RNGTT: variants seen among roughly 807,000 people sequenced by gnomAD.
The protein encoded by RNGTT is mRNA-capping enzyme.
A neutral mutation model predicts 79.3 loss-of-function variants in RNGTT; 33 were observed. That is an observed-to-expected ratio of 0.42 (90% CI 0.32 to 0.56). The LOEUF is 0.56. Among genes scored for constraint, RNGTT ranks in the 20% least tolerant of loss-of-function variants. The pLI is 0.17. For synonymous variants in RNGTT, 222 were observed against 235.9 expected (o/e 0.94, Z 0.54); for missense variants, 497 against 739.1 (o/e 0.67, Z 3.80).
At chr6:88,727,890 C>A (rs1482063446) in intron 13 of RNGTT, among the ~76,000 whole-genome samples, 1 of 152,190 alleles carries the variant, frequency 6.6e-6, no homozygotes, top group Non-Finnish European at 1.5e-5. Context: ...AGAGGTACCA[C>A]CCCTAGAATT....
chr6:88,761,323 C>A (rs557689477), intron 13 of RNGTT, among the ~76,000 whole-genome samples: 37 of 152,008 alleles, frequency 2.4e-4, no homozygotes, highest in African/African-American at 8.7e-4. Flanking sequence ...AACCCCACCC[C>A]TATTAAAATT....
chr6:88,709,371 C>T (rs553418530), intron 13 of RNGTT, among the ~76,000 whole-genome samples: 23 of 151,356 alleles, frequency 1.5e-4, no homozygotes, highest in African/African-American at 5.6e-4. Flanking sequence ...TCAAACTGGA[C>T]CGAGGCTGAG....
Position 88,928,996 on chromosome 6 carries a change from G to A in RNGTT, c.356C>T (p.Pro119Leu). Residue 119 changes from proline (P) to leucine (L), a missense_variant, in exon 4 of 16, where the codon CCT becomes CTT. By Grantham distance (98) the Pro-to-Leu change is moderately conservative. This residue lies in a region of RNGTT where 440 missense variants were observed against 671.5 expected (regional missense o/e 0.66). Transcript: ENST00000369485. ...LCERFNERNP[P>L]ELIGVHCTHG... Reference sequence around the variant, plus strand: ...AAAGCCAAACATACCTATAAGTTCAGGTGGATTTCTTTCATTAAACCGCTC... The same window carrying A: ...AAAGCCAAACATACCTATAAGTTCAAGTGGATTTCTTTCATTAAACCGCTC... The A allele has an allele frequency of 6.2e-7, 1 of 1,608,830 alleles. No homozygotes were observed. Among genetic ancestry groups the A allele is most frequent in the Non-Finnish European group, 8.5e-7 (1 of 1,177,310 alleles).
intron 13 of RNGTT, among the ~76,000 whole-genome samples, chr6:88,725,794 A>G (rs969337875): frequency 2.0e-5 from 3 of 151,894 alleles, no homozygotes; most frequent in African/African-American, 7.3e-5. Context: ...GAGTAGCTCC[A>G]CTCCAGCCAG....
chr6:88,919,663 C>T (rs1200800744), intron 4 of RNGTT, among the ~76,000 whole-genome samples: 1 of 145,082 alleles, frequency 6.9e-6, no homozygotes, highest in African/African-American at 2.6e-5. Flanking sequence ...TTTTTTAATG[C>T]TAAAAATCCT....
intron 4 of RNGTT, among the ~76,000 whole-genome samples, chr6:88,908,031 G>A (rs1783712680): frequency 6.6e-6 from 1 of 152,140 alleles, no homozygotes; most frequent in African/African-American, 2.4e-5. Flanking sequence ...ACAATGCCCA[G>A]CCTGTATCTT....
intron 13 of RNGTT, among the ~76,000 whole-genome samples, chr6:88,716,050 T>A (rs944041345): frequency 2.0e-5 from 3 of 151,240 alleles, no homozygotes. Context: ...TGGGAGAAAA[T>A]TTTCGTAACC....
At chr6:88,700,509 T>C (rs1417713748) in intron 13 of RNGTT, among the ~76,000 whole-genome samples, 1 of 152,136 alleles carries the variant, frequency 6.6e-6, no homozygotes, top group African/African-American at 2.4e-5. Context: ...TAATCTCTTA[T>C]TTTCTTCCAT....
intron 8 of RNGTT, among the ~76,000 whole-genome samples, chr6:88,855,973 A>G (rs1781832189): frequency 6.6e-6 from 1 of 152,228 alleles, no homozygotes; most frequent in Non-Finnish European, 1.5e-5. Context: ...GGCATGGAAG[A>G]CACACAACCC....
At chr6:88,892,003 A>G in intron 6 of RNGTT, 88 bp from the exon 7 acceptor site, 2 of 905,024 alleles carry the variant, frequency 2.2e-6, no homozygotes, top group South Asian at 4.0e-5. Flanking sequence ...TGAGAGATAA[A>G]TTAGTTTGTT....
At chr6:88,863,326 T>C (rs1782071336) in intron 8 of RNGTT, among the ~76,000 whole-genome samples, 1 of 152,226 alleles carries the variant, frequency 6.6e-6, no homozygotes. Context: ...ATGTGGCTTC[T>C]ACCACAAATT....
intron 14 of RNGTT, among the ~76,000 whole-genome samples, chr6:88,653,326 T>C (rs1448803949): frequency 6.6e-6 from 1 of 152,186 alleles, no homozygotes; most frequent in East Asian, 1.9e-4. Context: ...CTCACCTTAA[T>C]ATAGTGGTAT....
chr6:88,783,580 A>C (rs192958846), intron 12 of RNGTT, among the ~76,000 whole-genome samples: 29 of 152,316 alleles, frequency 1.9e-4, no homozygotes, highest in African/African-American at 6.5e-4. Context: ...GAATTTAAAG[A>C]AAAAAGACAA....
intron 14 of RNGTT, among the ~76,000 whole-genome samples, chr6:88,635,072 T>C (rs1472520440): frequency 6.6e-6 from 1 of 152,058 alleles, no homozygotes; most frequent in East Asian, 1.9e-4. Flanking sequence ...CTAGGCTCAC[T>C]CCTTTTTCCA....
chr6:88,711,771 G>T lies in RNGTT; in HGVS notation c.1440-33352C>A, dbSNP rs186143355. Among the ~76,000 whole-genome samples, 450 of 152,288 alleles carry T rather than the reference G, an allele frequency of 3.0e-3. 3 individuals are homozygous for T. The highest frequency in any genetic ancestry group is 8.7e-3 in the African/African-American group (363 of 41,562). ...AAACTATTAAATGGACAGGCAGTAA[G>T]GAGCATTTGTTAGTTCACTCATTCA... On this transcript the variant is annotated intron_variant, in intron 13 of 15. Coordinates refer to ENST00000369485, the MANE Select transcript of RNGTT (RefSeq NM_003800.5).
At chr6:88,838,549 GA>G in intron 11 of RNGTT, among the ~76,000 whole-genome samples, 1 of 152,046 alleles carries the variant, frequency 6.6e-6, no homozygotes, top group Non-Finnish European at 1.5e-5. Flanking sequence ...AAATAAATCT[GA>G]AAAAAGATGA....
intron 13 of RNGTT, among the ~76,000 whole-genome samples, chr6:88,739,430 C>A (rs995689642): frequency 7.3e-5 from 11 of 151,694 alleles, no homozygotes; most frequent in Admixed American, 6.6e-4. Context: ...TAAAGAAATT[C>A]AAAAGCATCA....
intron 12 of RNGTT, among the ~76,000 whole-genome samples, chr6:88,790,740 T>C (rs1252647394): frequency 6.6e-6 from 1 of 152,214 alleles, no homozygotes; most frequent in African/African-American, 2.4e-5. Context: ...CACTTAATTA[T>C]TAAAGCTGAG....
At chr6:88,887,290 T>A (rs1280570716) in intron 8 of RNGTT, among the ~76,000 whole-genome samples, 2 of 152,158 alleles carry the variant, frequency 1.3e-5, no homozygotes, top group Non-Finnish European at 2.9e-5. Flanking sequence ...TGACATAGCT[T>A]TAACGACGAT....
Sources: allele counts gnomAD v4.1 joint callset (sites outside exome capture counted in the v4.1 genomes callset), GRCh38; gene constraint gnomAD v4.1.1; regional missense constraint gnomAD v4.1.1; transcripts MANE v1.5; gene names NCBI Gene and HGNC (gene_info 2026-07-23, HGNC 2026-07-21).